ASTN2: variants seen among roughly 807,000 people sequenced by gnomAD.
ASTN2 encodes the protein astrotactin-2.
ASTN2 carries 54 observed loss-of-function variants against 139.8 expected under a neutral mutation model. The ratio of observed to expected loss-of-function variants is 0.39; its 90% CI spans 0.31 to 0.48. ASTN2 has a LOEUF of 0.48. Ranked by LOEUF, ASTN2 falls within the 20% of genes least tolerant of loss-of-function variation. The probability of loss-of-function intolerance (pLI) is 0.95; values close to 1 mark genes in which losing one functional copy is unlikely to be tolerated. For synonymous variants in ASTN2, 756 were observed against 719.5 expected (o/e 1.05, Z -0.81); for missense variants, 1,565 against 1,725.1 (o/e 0.91, Z 1.64).
At chr9:117,339,932 A>C (rs1260099671) in intron 1 of ASTN2, among the ~76,000 whole-genome samples, 2 of 151,374 alleles carry the variant, frequency 1.3e-5, no homozygotes, top group African/African-American at 4.8e-5. Flanking sequence ...AAATTTAAAG[A>C]GGCCCACATG....
intron 13 of ASTN2, among the ~76,000 whole-genome samples, chr9:116,782,333 A>G (rs1034473510): frequency 6.6e-6 from 1 of 152,196 alleles, no homozygotes; most frequent in Non-Finnish European, 1.5e-5. Flanking sequence ...TCAGCGACCC[A>G]GTGCACCAAC....
intron 12 of ASTN2, among the ~76,000 whole-genome samples, chr9:116,813,195 G>A (rs1831214485): frequency 1.3e-5 from 2 of 152,122 alleles, no homozygotes; most frequent in African/African-American, 4.8e-5. Flanking sequence ...TAAAATAAGT[G>A]CAGAGATACA....
chr9:117,123,167 C>G (rs1587988365), intron 4 of ASTN2, among the ~76,000 whole-genome samples: 3 of 152,188 alleles, frequency 2.0e-5, no homozygotes, highest in African/African-American at 4.8e-5. Flanking sequence ...TGAGAATTTA[C>G]AGTTCTGTCA....
intron 20 of ASTN2, among the ~76,000 whole-genome samples, chr9:116,454,433 C>G (rs1848265824): frequency 6.6e-6 from 1 of 151,904 alleles, no homozygotes; most frequent in Non-Finnish European, 1.5e-5. Context: ...AATAGGAACA[C>G]TTTTACACTG....
intron 2 of ASTN2, among the ~76,000 whole-genome samples, chr9:117,240,130 A>ATTT (rs770379184): frequency 6.6e-6 from 1 of 152,152 alleles, no homozygotes; most frequent in Non-Finnish European, 1.5e-5. Context: ...ATAAATACAG[A>ATTT]AGTTGAGATT....
At chr9:116,640,000 G>A (rs1857254080) in intron 17 of ASTN2, among the ~76,000 whole-genome samples, 1 of 151,974 alleles carries the variant, frequency 6.6e-6, no homozygotes, top group Non-Finnish European at 1.5e-5. Context: ...GTCGGTATAA[G>A]GCTGACTAAA....
chr9:117,286,107 G>GC (rs1232740298), intron 2 of ASTN2, among the ~76,000 whole-genome samples: 2 of 152,038 alleles, frequency 1.3e-5, no homozygotes, highest in Admixed American at 1.3e-4. Flanking sequence ...GGGAGAGGAG[G>GC]AAAGAGTAGA....
At chr9:117,299,251 T>G (rs1834816335) in intron 1 of ASTN2, among the ~76,000 whole-genome samples, 1 of 152,198 alleles carries the variant, frequency 6.6e-6, no homozygotes, top group South Asian at 2.1e-4. Context: ...TTATACTGAC[T>G]ATATTTTACC....
rs75139035 is a variant in ASTN2, at chr9:116,823,263, C to G, written c.2041-2480G>C. Among the ~76,000 whole-genome samples the G allele has an allele frequency of 1.3e-3, 205 of 152,334 alleles. 1 individual carries two copies. The highest frequency in any genetic ancestry group is 0.013 in the East Asian group (68 of 5,176). ...CAGAGGAGGAAGCGGAGGAGAGGGT[C>G]ACACAGTTTGGTGGTGACAGAGGCA... On this transcript the variant is annotated intron_variant, in intron 11 of 22. Transcript: ENST00000313400.
At chr9:116,803,519 TA>T (rs1289004257) in intron 13 of ASTN2, among the ~76,000 whole-genome samples, 95 of 5,360 alleles carry the variant, frequency 0.018, no homozygotes, top group East Asian at 0.033. Flanking sequence ...TATATATATA[TA>T]TATTTTTTTT....
chr9:116,787,567 G>A (rs1401598459), intron 13 of ASTN2, among the ~76,000 whole-genome samples: 1 of 152,138 alleles, frequency 6.6e-6, no homozygotes, highest in Non-Finnish European at 1.5e-5. Context: ...ATAACTCAAT[G>A]TGCTGGACAT....
At chr9:116,440,493 A>G in intron 22 of ASTN2, 116 bp downstream of exon 22, 1 of 955,020 alleles carries the variant, frequency 1.0e-6, no homozygotes, top group Non-Finnish European at 1.6e-6. Flanking sequence ...GACCAAGGTG[A>G]TAATCACCCT....
At chr9:116,627,083 G>T (rs1856505115) in intron 17 of ASTN2, among the ~76,000 whole-genome samples, 1 of 152,182 alleles carries the variant, frequency 6.6e-6, no homozygotes, top group Non-Finnish European at 1.5e-5. Context: ...TGATTAATTG[G>T]TCATTCTTTT....
In ASTN2 at chr9:116,559,062, G is replaced by A. The variant is rs116994330; in HGVS notation, c.3355+59262C>T. On this transcript the variant is annotated intron_variant, in intron 19 of 22. Transcript: ENST00000313400. ...AAGGGTAGGGAAGCAGTTCTTACCC[G>A]ACTCTACTTTATGTGCTTCCTTGCC... 9.9e-4 allele frequency among the ~76,000 whole-genome samples: 151 copies of A among 152,224 alleles called. 1 individual carries two copies. In the South Asian group the frequency reaches 0.016, roughly 17 times the overall value.
Position 116,431,660 on chromosome 9 carries a change from C to G in ASTN2, c.3783-5572G>C, listed in dbSNP as rs1279208738. Among the ~76,000 whole-genome samples, 6 of 152,138 alleles carry G rather than the reference C, an allele frequency of 3.9e-5. 1 individual carries two copies. Among genetic ancestry groups the G allele is most frequent in the Admixed American group, 2.6e-4 (4 of 15,272 alleles). On this transcript the variant is annotated intron_variant, in intron 22 of 22. Coordinates refer to ENST00000313400, the MANE Select transcript of ASTN2 (RefSeq NM_001365068.1). Reference sequence around the variant, plus strand: ...GACAAGTGGGCAACAATCTGCGGGTCAGAGATGATAATGACTACAATTTAT... The same window carrying G: ...GACAAGTGGGCAACAATCTGCGGGTGAGAGATGATAATGACTACAATTTAT...
In ASTN2 at chr9:116,698,344, GCT is replaced by G. The variant is rs2132072315; in HGVS notation, c.2806+27425_2806+27426del. 1 of 1,614,122 alleles carries G rather than the reference GCT, an allele frequency of 6.2e-7. No individual in the cohort carries two copies. The highest frequency in any genetic ancestry group is 1.7e-5 in the Admixed American group (1 of 60,032). ...CGCAGGGTCCAGGATGAGCTGGCTCGCTCTCGGAAGTTCTTCACAGGCTCTTT... is the reference window on the plus strand; with the variant it reads ...CGCAGGGTCCAGGATGAGCTGGCTCGCTCGGAAGTTCTTCACAGGCTCTTT... On this transcript the variant is annotated intron_variant, in intron 16 of 22. Coordinates refer to ENST00000313400, the MANE Select transcript of ASTN2 (RefSeq NM_001365068.1). This position sits in a 1 kb window ranked among gnomAD's most constrained non-coding sequence, Gnocchi z 4.4.
intron 3 of ASTN2, among the ~76,000 whole-genome samples, chr9:117,187,150 G>A (rs901169441): frequency 5.9e-5 from 9 of 152,078 alleles, no homozygotes. Flanking sequence ...GAAAAAAATA[G>A]AAAAATTAAG....
chr9:116,560,760 T>C (rs576999471), intron 19 of ASTN2, among the ~76,000 whole-genome samples: 1 of 152,310 alleles, frequency 6.6e-6, no homozygotes, highest in South Asian at 2.1e-4. Context: ...AGGCATTCAA[T>C]AGATATTTTT....
chr9:117,172,786 C>T (rs1004661017), intron 3 of ASTN2, among the ~76,000 whole-genome samples: 1 of 152,112 alleles, frequency 6.6e-6, no homozygotes, highest in Non-Finnish European at 1.5e-5. Context: ...TGTTTGAGTG[C>T]CAGATGCTGT....
Sources: allele counts gnomAD v4.1 joint callset (sites outside exome capture counted in the v4.1 genomes callset), GRCh38; gene constraint gnomAD v4.1.1; non-coding constraint Gnocchi (gnomAD v3.1); transcripts MANE v1.5; gene names NCBI Gene and HGNC (gene_info 2026-07-23, HGNC 2026-07-21).